The following OTOGL variants were observed in gnomAD, a reference collection of about 807,000 sequenced individuals.
OTOGL encodes otogelin-like protein.
OTOGL carries 285 observed loss-of-function variants against 318.5 expected under a neutral mutation model. That is an observed-to-expected ratio of 0.89 (90% CI 0.81 to 0.99). The LOEUF (loss-of-function observed/expected upper bound fraction) is 0.99. OTOGL is among the 50% of genes least tolerant of loss of function. OTOGL has a pLI of 0.00. For missense variants in OTOGL, 2,899 were observed against 2,845.6 expected (o/e 1.02, Z -0.43); for synonymous variants, 987 against 936.5 (o/e 1.05, Z -0.99).
intron 26 of OTOGL, among the ~76,000 whole-genome samples, chr12:80,279,963 T>G (rs1273133492): frequency 6.7e-6 from 1 of 150,176 alleles, no homozygotes; most frequent in African/African-American, 2.4e-5. Flanking sequence ...CCAACATCTG[T>G]TTTTTTTTGA....
chr12:80,227,961 C>T (rs1879021174), intron 7 of OTOGL, among the ~76,000 whole-genome samples: 1 of 152,054 alleles, frequency 6.6e-6, no homozygotes, highest in Admixed American at 6.6e-5. Context: ...CTTCACATAG[C>T]TATATTTTCT....
intron 18 of OTOGL, 42 bp downstream of exon 18, chr12:80,258,044 T>C (rs1403274994): frequency 6.8e-7 from 1 of 1,464,022 alleles, no homozygotes; most frequent in Non-Finnish European, 9.0e-7. Flanking sequence ...TAATGACTGG[T>C]CATTTAAAGG....
Position 80,266,520 on chromosome 12 carries a change from T to C in OTOGL, c.2294T>C (p.Leu765Pro), listed in dbSNP as rs1489692938. 1.2e-5 allele frequency: 20 copies of C among 1,613,416 alleles called. No homozygotes were observed. Among genetic ancestry groups the C allele is most frequent in the Non-Finnish European group, 1.2e-5 (14 of 1,179,656 alleles). Residue 765 changes from leucine to proline, a missense_variant, in exon 21 of 59, where the codon CTC (leucine) becomes CCC (proline). Physicochemically the swap from Leu to Pro is moderately conservative, Grantham distance 98. This residue lies in a region of OTOGL where 2,607 missense variants were observed against 2,524.9 expected (regional missense o/e 1.03). Coordinates refer to ENST00000547103, the MANE Select transcript of OTOGL (RefSeq NM_001378609.3). ...SSFCLHSCIS[L>P]SSPEQCSDDC... ...TTCTGCCTCCATTCCTGCATTTCTC[T>C]CTCTTCCCCGGAGCAGTGCAGTGAT...
At chr12:80,346,422 C>T (rs1342047676) in intron 44 of OTOGL, among the ~76,000 whole-genome samples, 1 of 151,944 alleles carries the variant, frequency 6.6e-6, no homozygotes, top group African/African-American at 2.4e-5. Context: ...TGACAATTTG[C>T]TCAATAGATC....
chr12:80,260,373 C>T (rs903645380), intron 18 of OTOGL, among the ~76,000 whole-genome samples: 4 of 152,174 alleles, frequency 2.6e-5, no homozygotes, highest in Admixed American at 2.6e-4. Context: ...GACATTAATC[C>T]TGTTTTCTCT....
intron 43 of OTOGL, among the ~76,000 whole-genome samples, chr12:80,340,936 G>GTT (rs370802593): frequency 0.26 from 35,559 of 139,034 alleles, 4,809 homozygotes; most frequent in Middle Eastern, 0.39. Flanking sequence ...GTCCACTTAG[G>GTT]TTTTTTTTTT....
chr12:80,252,234 T>G, intron 13 of OTOGL, 33 bp downstream of exon 13: 5 of 1,579,526 alleles, frequency 3.2e-6, no homozygotes, highest in Non-Finnish European at 4.3e-6. Flanking sequence ...ATGTCTGCAC[T>G]CATGGAAACT....
chr12:80,221,268 C>CT lies in OTOGL; in HGVS notation c.335-808dup, dbSNP rs5799457. Among the ~76,000 whole-genome samples, 428 of 137,038 alleles carry CT rather than the reference C, an allele frequency of 3.1e-3. 5 individuals are homozygous for CT. Among genetic ancestry groups the CT allele is most frequent in the Admixed American group, 5.6e-3 (76 of 13,570 alleles). 89.9% of individuals were successfully genotyped at this position (137,038 alleles called of 152,430 possible). A position where few individuals can be genotyped will look rare whatever the true frequency, so the allele number is the denominator to read the frequency against. On this transcript the variant is annotated intron_variant, in intron 6 of 58. Transcript: ENST00000547103. The stretch of plus-strand genomic sequence containing the variant: ...CATGAATTATTAAATTCCAGCATAC[C>CT]TTTTTTTTTTTTTTTGGAGACAGAG...
intron 32 of OTOGL, among the ~76,000 whole-genome samples, chr12:80,316,830 T>C (rs1175779271): frequency 6.6e-6 from 1 of 152,190 alleles, no homozygotes; most frequent in Non-Finnish European, 1.5e-5. Flanking sequence ...CCCAAATAAA[T>C]TTCACAGCTA....
At chr12:80,321,603 A>T (rs1286808230) in intron 34 of OTOGL, among the ~76,000 whole-genome samples, 1 of 152,078 alleles carries the variant, frequency 6.6e-6, no homozygotes. Context: ...AAAATAAAAA[A>T]AAATTTTACC....
intron 1 of OTOGL, among the ~76,000 whole-genome samples, chr12:80,188,321 C>G (rs532588958): frequency 2.0e-5 from 3 of 151,852 alleles, no homozygotes; most frequent in Admixed American, 6.6e-5. Context: ...GGGCAGATCA[C>G]GAGGTCAGGA....
At chr12:80,375,389 A>G (rs1430727026) in intron 57 of OTOGL, among the ~76,000 whole-genome samples, 2 of 152,218 alleles carry the variant, frequency 1.3e-5, no homozygotes, top group East Asian at 1.9e-4. Flanking sequence ...CACTGGGACC[A>G]TAATAGTGAA....
intron 1 of OTOGL, among the ~76,000 whole-genome samples, chr12:80,133,332 G>A (rs972015134): frequency 4.6e-5 from 7 of 152,046 alleles, no homozygotes; most frequent in African/African-American, 1.4e-4. Context: ...TATGTCTCCT[G>A]AACTTTAAAA....
At position 80,127,792 on chromosome 12, in the gene OTOGL, A is replaced by ATCTTCCATCACTGATACCCTT. The variant is rs535535878; in HGVS notation, c.-20+28195_-20+28215dup. Among the ~76,000 whole-genome samples the ATCTTCCATCACTGATACCCTT allele has an allele frequency of 2.6e-5, 4 of 151,974 alleles. No homozygotes were observed. In the South Asian group the frequency reaches 8.3e-4, roughly 32 times the overall value. ...TTATTTGCTTCATTTCATTTATTTG[A>ATCTTCCATCACTGATACCCTT]TCTTCCATCACTGATACCCTTTCTT... On this transcript the variant is annotated intron_variant, in intron 1 of 58. Transcript: ENST00000547103.
At position 80,267,279 on chromosome 12, in the gene OTOGL, G is replaced by A. The variant is rs775956168; in HGVS notation, c.2417G>A (p.Gly806Asp). 5 of 1,562,828 alleles carry A rather than the reference G, an allele frequency of 3.2e-6. No individual in the cohort carries two copies. The highest frequency in any genetic ancestry group is 4.4e-6 in the Non-Finnish European group (5 of 1,142,834). ...TTCCACTGCCGTTGTCATTATAGGG[G>A]CAGTGTTTATCAACCTGGAGAGCTC... ...PIFHCRCHYR[G>D]SVYQPGELIP... Residue 806 changes from glycine to aspartate, a missense_variant, in exon 22 of 59, where the codon GGC becomes GAC. Coordinates refer to ENST00000547103, the MANE Select transcript of OTOGL (RefSeq NM_001378609.3).
intron 22 of OTOGL, among the ~76,000 whole-genome samples, chr12:80,269,187 A>G (rs1314320298): frequency 6.6e-6 from 1 of 152,114 alleles, no homozygotes. Flanking sequence ...TGTGGACTGT[A>G]TATGTGATTC....
At chr12:80,168,269 G>C (rs938029050) in intron 1 of OTOGL, among the ~76,000 whole-genome samples, 2 of 152,030 alleles carry the variant, frequency 1.3e-5, no homozygotes, top group African/African-American at 4.8e-5. Context: ...TAAGGAGAAA[G>C]TTCCTCCACT....
At chr12:80,311,216 G>A (rs929972959) in intron 30 of OTOGL, among the ~76,000 whole-genome samples, 1 of 152,184 alleles carries the variant, frequency 6.6e-6, no homozygotes, top group African/African-American at 2.4e-5. Context: ...AGAAGTTTAA[G>A]CAATATTTCA....
chr12:80,373,761 G>A (rs1592457873), intron 57 of OTOGL, among the ~76,000 whole-genome samples: 1 of 151,806 alleles, frequency 6.6e-6, no homozygotes, highest in African/African-American at 2.4e-5. Flanking sequence ...CCACTTAGTG[G>A]CGTTAAATAA....
Sources: gnomAD v4.1 joint callset for allele counts (sites outside exome capture counted in the v4.1 genomes callset) on GRCh38, gnomAD v4.1.1 for gene constraint, gnomAD v4.1.1 regional missense constraint, MANE v1.5 for transcripts, NCBI Gene and HGNC (gene_info 2026-07-23, HGNC 2026-07-21) for gene names.